Variants in LMTK2 observed in about 807,000 individuals in gnomAD.
LMTK2 encodes lemur tail kinase 2.
Under a neutral mutation model 127.5 loss-of-function variants are expected in LMTK2, and 37 were observed. That is an observed-to-expected ratio of 0.29 (90% CI 0.22 to 0.38). The LOEUF (loss-of-function observed/expected upper bound fraction) is 0.38. LMTK2 is among the 10% of genes least tolerant of loss of function. LMTK2 has a pLI of 1.00. For missense variants in LMTK2, 1,694 were observed against 1,920.3 expected (o/e 0.88, Z 2.20); for synonymous variants, 819 against 810.1 (o/e 1.01, Z -0.19).
chr7:98,185,210 CTGTT>C (rs938563480), intron 8 of LMTK2, 75 bp downstream of exon 8: 1 of 1,017,244 alleles, frequency 9.8e-7, no homozygotes, highest in South Asian at 1.4e-5. Context: ...AAATGCCCCA[CTGTT>C]TGTATAAGAA....
At chr7:98,156,028 A>G (rs1279231846) in intron 5 of LMTK2, among the ~76,000 whole-genome samples, 1 of 152,228 alleles carries the variant, frequency 6.6e-6, no homozygotes, top group Non-Finnish European at 1.5e-5. Flanking sequence ...ACAGAAAAAA[A>G]AAACCTAATT....
intron 1 of LMTK2, among the ~76,000 whole-genome samples, chr7:98,107,741 G>C (rs1796135453): frequency 6.6e-6 from 1 of 152,224 alleles, no homozygotes; most frequent in South Asian, 2.1e-4. Flanking sequence ...TTATTCTGAA[G>C]TTGTAAATTG....
chr7:98,180,283 T>A (rs559728208), intron 7 of LMTK2, among the ~76,000 whole-genome samples: 1 of 152,380 alleles, frequency 6.6e-6, no homozygotes, highest in Admixed American at 6.5e-5. Flanking sequence ...TTTAAGTTTT[T>A]GGTCTTTTGC....
chr7:98,159,662 A>G (rs1337166932), intron 6 of LMTK2, among the ~76,000 whole-genome samples: 1 of 152,202 alleles, frequency 6.6e-6, no homozygotes, highest in African/African-American at 2.4e-5. Flanking sequence ...ACCACACTTA[A>G]TGATAACAAA....
At chr7:98,124,238 C>T (rs1796410746) in intron 1 of LMTK2, among the ~76,000 whole-genome samples, 1 of 152,196 alleles carries the variant, frequency 6.6e-6, no homozygotes, top group Non-Finnish European at 1.5e-5. Flanking sequence ...CTGGCTCCAC[C>T]TGCTTTCGTC....
At chr7:98,141,145 G>A (rs913122215) in intron 2 of LMTK2, among the ~76,000 whole-genome samples, 8 of 150,084 alleles carry the variant, frequency 5.3e-5, no homozygotes, top group Admixed American at 4.7e-4. Flanking sequence ...AACTATTTTT[G>A]TGTAAATTCC....
intron 5 of LMTK2, among the ~76,000 whole-genome samples, chr7:98,158,707 G>A (rs1402766169): frequency 2.6e-5 from 4 of 152,232 alleles, no homozygotes; most frequent in African/African-American, 7.2e-5. Context: ...TTATATGGGC[G>A]GATGTGCGTA....
intron 5 of LMTK2, among the ~76,000 whole-genome samples, chr7:98,157,435 A>G (rs1239393786): frequency 2.0e-5 from 3 of 152,144 alleles, no homozygotes; most frequent in Non-Finnish European, 4.4e-5. Context: ...ACACAAAATT[A>G]ACCGTCACAT....
intron 6 of LMTK2, among the ~76,000 whole-genome samples, chr7:98,169,819 G>T (rs896485718): frequency 6.6e-6 from 1 of 151,826 alleles, no homozygotes; most frequent in Non-Finnish European, 1.5e-5. Flanking sequence ...AAAAAAAAAA[G>T]TTTTCTCTTT....
At chr7:98,107,713 G>C (rs1796134948) in intron 1 of LMTK2, among the ~76,000 whole-genome samples, 1 of 152,152 alleles carries the variant, frequency 6.6e-6, no homozygotes, top group Non-Finnish European at 1.5e-5. Context: ...TGCGGAGTTT[G>C]TTTTCGCTCC....
chr7:98,108,792 T>C (rs972654574), intron 1 of LMTK2, among the ~76,000 whole-genome samples: 1 of 152,124 alleles, frequency 6.6e-6, no homozygotes, highest in Admixed American at 6.5e-5. Context: ...GACTTTACAC[T>C]TAATTGGATT....
chr7:98,139,101 A>T (rs1796639814), intron 2 of LMTK2, among the ~76,000 whole-genome samples: 1 of 152,168 alleles, frequency 6.6e-6, no homozygotes, highest in Non-Finnish European at 1.5e-5. Flanking sequence ...GCAAAACTTT[A>T]AAAGTGACCC....
At position 98,132,396 on chromosome 7, in the gene LMTK2, G is replaced by A. The variant is rs577607344; in HGVS notation, c.104-4919G>A. Among the ~76,000 whole-genome samples, 7 of 152,162 alleles carry A rather than the reference G, an allele frequency of 4.6e-5. 1 individual carries two copies. The highest frequency in any genetic ancestry group is 4.2e-4 in the South Asian group (2 of 4,814). ...CTCCCGAGTAGCTGGGACCACAGGCGCGCGGCACCACGCCTGGCTAATTTT... is the reference window on the plus strand; with the variant it reads ...CTCCCGAGTAGCTGGGACCACAGGCACGCGGCACCACGCCTGGCTAATTTT... On this transcript the variant is annotated intron_variant, in intron 1 of 13. Coordinates refer to ENST00000297293, the MANE Select transcript of LMTK2 (RefSeq NM_014916.4).
At chr7:98,196,083 G>C (rs1797618576) in intron 11 of LMTK2, among the ~76,000 whole-genome samples, 1 of 151,996 alleles carries the variant, frequency 6.6e-6, no homozygotes, top group African/African-American at 2.4e-5. Context: ...CAGCTACTTG[G>C]GAGGCTGAGG....
chr7:98,156,237 G>A lies in LMTK2; in HGVS notation c.569+1361G>A, dbSNP rs548983082. ...ATCCCAGTACTTGGAAGGCTGAGGCGGGTGGATCACAAGGTCAGGAGATTG... is the reference window on the plus strand; with the variant it reads ...ATCCCAGTACTTGGAAGGCTGAGGCAGGTGGATCACAAGGTCAGGAGATTG... On this transcript the variant is annotated intron_variant, in intron 5 of 13. Transcript: ENST00000297293. Among the ~76,000 whole-genome samples the A allele has an allele frequency of 8.3e-4, 126 of 152,292 alleles. 1 individual carries two copies. The highest frequency in any genetic ancestry group is 1.4e-3 in the Non-Finnish European group (92 of 68,018).
At chr7:98,112,077 A>T (rs1244217912) in intron 1 of LMTK2, among the ~76,000 whole-genome samples, 1 of 152,226 alleles carries the variant, frequency 6.6e-6, no homozygotes, top group Non-Finnish European at 1.5e-5. Context: ...CTTAAACACA[A>T]TTGTGTATTG....
chr7:98,177,470 C>T (rs2116435858), intron 7 of LMTK2, among the ~76,000 whole-genome samples: 1 of 152,198 alleles, frequency 6.6e-6, no homozygotes, highest in African/African-American at 2.4e-5. Context: ...CAAAGAATTC[C>T]CATTCGAATC....
chr7:98,148,505 A>AAAT (rs902606949), intron 3 of LMTK2, among the ~76,000 whole-genome samples: 90 of 140,946 alleles, frequency 6.4e-4, no homozygotes, highest in African/African-American at 8.1e-4. Flanking sequence ...AAAAAAAAAA[A>AAAT]AATAATAATA....
rs565908001 is a variant in LMTK2 at position 98,119,909 on chromosome 7, T to C, written c.103+12629T>C. ...AGTTTATTTTTCTAAGCTAACTCAT[T>C]TAGGTGTAGCCTAGGATTTGTAGCC... On this transcript the variant is annotated intron_variant, in intron 1 of 13. Coordinates refer to ENST00000297293, the MANE Select transcript of LMTK2 (RefSeq NM_014916.4). 3.9e-5 allele frequency among the ~76,000 whole-genome samples: 6 copies of C among 152,368 alleles called. No individual in the cohort carries two copies. The East Asian group carries it at 1.2e-3, about 29-fold the overall frequency.
Sources: gnomAD v4.1 joint callset for allele counts (sites outside exome capture counted in the v4.1 genomes callset) on GRCh38, gnomAD v4.1.1 for gene constraint, MANE v1.5 for transcripts, NCBI Gene and HGNC (gene_info 2026-07-23, HGNC 2026-07-21) for gene names.